The following IGSF22 variants were observed in gnomAD, a reference collection of about 807,000 sequenced individuals.
IGSF22 encodes the protein immunoglobulin superfamily, member 22.
IGSF22 carries 119 observed loss-of-function variants against 127.0 expected under a neutral mutation model. The ratio of observed to expected loss-of-function variants is 0.94; its 90% CI spans 0.81 to 1.09. The LOEUF (loss-of-function observed/expected upper bound fraction) is 1.09, where lower values mean the gene tolerates loss of function less well. IGSF22 is among the 50% of genes least tolerant of loss of function. The pLI is 0.00. For synonymous variants in IGSF22, 568 were observed against 664.7 expected (o/e 0.85, Z 2.24); for missense variants, 1,518 against 1,716.6 (o/e 0.88, Z 2.04).
Position 18,707,884 on chromosome 11 carries a change from C to T in IGSF22, c.3200G>A (p.Arg1067His), listed in dbSNP as rs148259264. 1,030 of 1,614,154 alleles carry T rather than the reference C, an allele frequency of 6.4e-4. 9 individuals are homozygous for T. The African/African-American group carries it at 0.011, about 17-fold the overall frequency. ...HSQFLINSTK[R>H]SDSGVYRILL... ...GATTCGGTACACCCCTGAGTCAGAG[C>T]GCTTGGTGCTATTAATGAGGAACTG... Residue 1067 changes from arginine to histidine, a missense_variant, in exon 20 of 23, where the codon CGC becomes CAC. By Grantham distance (29) the Arg-to-His change is conservative. This residue lies in a region of IGSF22 where 1,456 missense variants were observed against 1,644.9 expected (regional missense o/e 0.89). Transcript: ENST00000513874.
In IGSF22 at chr11:18,716,700, C is replaced by T. The variant is rs755163895; in HGVS notation, c.1246+28G>A. On this transcript the variant is annotated intron_variant, in intron 10 of 22. Transcript: ENST00000513874. This position sits in a 1 kb window ranked among gnomAD's most constrained non-coding sequence, Gnocchi z 4.5. ...GGAGGTTGCTGTGCCATAAAGCCCA[C>T]CCCTTAGGCTCTTGCCCAACCACTC... The T allele has an allele frequency of 4.5e-5, 73 of 1,607,310 alleles. No homozygotes were observed. The Middle Eastern group carries it at 5.1e-4, about 11-fold the overall frequency.
chr11:18,719,453 C>A (rs1056963572), intron 7 of IGSF22, among the ~76,000 whole-genome samples: 4 of 152,192 alleles, frequency 2.6e-5, no homozygotes, highest in Non-Finnish European at 5.9e-5. Flanking sequence ...AGGCGTGAGC[C>A]ACTGCACCCA....
In IGSF22 at chr11:18,705,667, G is replaced by T. The variant is rs561137716; in HGVS notation, c.3910+150C>A. The T allele has an allele frequency of 6.0e-6, 4 of 667,212 alleles. No homozygotes were observed. The African/African-American group carries it at 7.2e-5, about 12-fold the overall frequency. 41.3% of individuals were successfully genotyped at this position (667,212 alleles called of 1,614,324 possible). ...ATGACATCGAAAGGATGGGAGAGTG[G>T]TAAGAACTGTGGCCAATTAAGAATG... On this transcript the variant is annotated intron_variant, in intron 22 of 22. Coordinates refer to ENST00000513874, the MANE Select transcript of IGSF22 (RefSeq NM_173588.4).
In IGSF22 at chr11:18,707,868, C is replaced by T. The variant is rs1330608820; in HGVS notation, c.3216G>A (p.Val1072=). ...INSTKRSDSG[V]YRILLQNEFG... is the part of the protein sequence containing the mutation. ...ACTCATTCTGAAGCAAGATTCGGTACACCCCTGAGTCAGAGCGCTTGGTGC... is the reference window on the plus strand; with the variant it reads ...ACTCATTCTGAAGCAAGATTCGGTATACCCCTGAGTCAGAGCGCTTGGTGC... Residue 1072 remains valine, a synonymous_variant, in exon 20 of 23, where the codon GTG becomes GTA. Transcript: ENST00000513874. 1 of 1,613,938 alleles carries T rather than the reference C, an allele frequency of 6.2e-7. No individual in the cohort carries two copies. The highest frequency in any genetic ancestry group is 8.5e-7 in the Non-Finnish European group (1 of 1,179,988).
At chr11:18,706,517 GCTC>G (rs1240906547) in intron 21 of IGSF22, 2 of 364,624 alleles carry the variant, frequency 5.5e-6, no homozygotes, top group African/African-American at 4.1e-5. Flanking sequence ...TATCCCTTTA[GCTC>G]CTCAGTTCGA....
chr11:18,713,810 G>C (rs747679734), intron 14 of IGSF22, 42 bp downstream of exon 14: 32 of 1,485,146 alleles, frequency 2.2e-5, no homozygotes, highest in Non-Finnish European at 2.7e-5. Context: ...TGGGCAGCAG[G>C]TGCCCTCAGC....
chr11:18,709,752 C>A lies in IGSF22; in HGVS notation c.2702-69G>T. 1 of 1,468,608 alleles carries A rather than the reference C, an allele frequency of 6.8e-7. No homozygotes were observed. Among genetic ancestry groups the A allele is most frequent in the South Asian group, 1.3e-5 (1 of 76,608 alleles). The allele number at this position is 1,468,608 out of a possible 1,614,324, so 91.0% of individuals were successfully genotyped here. ...CACTCAATGCCTTGCTCACTTCCCA[C>A]ACTCAATACTCCTGAACCCCATCCT... is the stretch of plus-strand genomic sequence containing the variant. On this transcript the variant is annotated intron_variant, in intron 17 of 22. Coordinates refer to ENST00000513874, the MANE Select transcript of IGSF22 (RefSeq NM_173588.4). The surrounding 1 kb of genome is among the most constrained non-coding windows in gnomAD (Gnocchi z 4.8).
intron 4 of IGSF22, among the ~76,000 whole-genome samples, chr11:18,721,143 AC>A (rs1331040548): frequency 6.6e-6 from 1 of 151,976 alleles, no homozygotes; most frequent in Non-Finnish European, 1.5e-5. Flanking sequence ...CCCCTACTCT[AC>A]GGCGAGTCCC....
intron 22 of IGSF22, 31 bp downstream of exon 22, chr11:18,705,783 CCCT>C: frequency 6.6e-7 from 1 of 1,505,212 alleles, no homozygotes; most frequent in Non-Finnish European, 8.9e-7. Flanking sequence ...GCGCCTCTCC[CCCT>C]CCTCGAGGCC....
Position 18,713,842 on chromosome 11 carries a change from C to G in IGSF22, c.2095+10G>C. 1.2e-6 allele frequency: 2 copies of G among 1,604,360 alleles called. No individual in the cohort carries two copies. Among genetic ancestry groups the G allele is most frequent in the Non-Finnish European group, 1.7e-6 (2 of 1,175,112 alleles). On this transcript the variant is annotated intron_variant, in intron 14 of 22. Transcript: ENST00000513874. Reference sequence around the variant, plus strand: ...CAGCTCAGCCCAGCCCGGACTGGCCCTGCCCTGACCCAGCACACTAAGGTG... The same window carrying G: ...CAGCTCAGCCCAGCCCGGACTGGCCGTGCCCTGACCCAGCACACTAAGGTG...
At chr11:18,713,735 C>T in intron 14 of IGSF22, 117 bp downstream of exon 14, 1 of 847,434 alleles carries the variant, frequency 1.2e-6, no homozygotes, top group Non-Finnish European at 1.8e-6. Flanking sequence ...CTTCTAGGCC[C>T]ATTCCCAGCC....
intron 22 of IGSF22, chr11:18,704,759 G>A (rs971858847): frequency 3.7e-5 from 19 of 516,446 alleles, no homozygotes; most frequent in African/African-American, 3.3e-4. Flanking sequence ...AAGCCTCATA[G>A]TCCTATAAAG....
intron 4 of IGSF22, 133 bp from the exon 5 acceptor site, chr11:18,720,418 T>C (rs1375514247): frequency 1.6e-6 from 1 of 640,464 alleles, no homozygotes; most frequent in East Asian, 2.7e-5. Context: ...GTGTGGAGGA[T>C]TGAGCAGCCT....
chr11:18,705,315 C>T (rs942321917), intron 22 of IGSF22: 3 of 157,104 alleles, frequency 1.9e-5, no homozygotes, highest in African/African-American at 7.2e-5. Context: ...ATGCTTCCCC[C>T]TATGTGTGCA....
chr11:18,705,727 G>C (rs1374430482), intron 22 of IGSF22, 90 bp downstream of exon 22: 8 of 1,159,272 alleles, frequency 6.9e-6, no homozygotes, highest in Non-Finnish European at 8.3e-6. Flanking sequence ...ATTAAAAAAC[G>C]GTGCCAGCCA....
rs1276165439 is a variant in IGSF22 at position 18,725,255 on chromosome 11, G to A, written c.-34+819C>T. ...CCATTCTCCTGCCTCAGCCTCCCCA[G>A]CAGCTGGGTTTACAGGCACGTGCCA... On this transcript the variant is annotated intron_variant, in intron 1 of 22. Transcript: ENST00000513874. Among the ~76,000 whole-genome samples, 3 of 151,926 alleles carry A rather than the reference G, an allele frequency of 2.0e-5. No homozygotes were observed. In the East Asian group the frequency reaches 5.8e-4, roughly 29 times the overall value.
chr11:18,724,465 A>T (rs1180031116), intron 1 of IGSF22, among the ~76,000 whole-genome samples, 196 bp from the exon 2 acceptor site: 1 of 152,144 alleles, frequency 6.6e-6, no homozygotes, highest in African/African-American at 2.4e-5. Context: ...CTGTCCTCTC[A>T]CTGAGTAACT....
At position 18,706,910 on chromosome 11, in the gene IGSF22, T is replaced by G; in HGVS notation, c.3580+4A>C. The G allele has an allele frequency of 6.7e-7, 1 of 1,486,818 alleles. No individual in the cohort carries two copies. The highest frequency in any genetic ancestry group is 9.0e-7 in the Non-Finnish European group (1 of 1,111,540). 92.1% of individuals were successfully genotyped at this position (1,486,818 alleles called of 1,614,324 possible). A position where few individuals can be genotyped will look rare whatever the true frequency, so the allele number is the denominator to read the frequency against. ...TTAACCCTAACTGCAAGTCCCAGAC[T>G]CACTCTGGTCCTTATTGATGAGCCA... On this transcript the variant is annotated splice_donor_region_variant and intron_variant, in intron 21 of 22. Coordinates refer to ENST00000513874, the MANE Select transcript of IGSF22 (RefSeq NM_173588.4).
At position 18,704,979 on chromosome 11, in the gene IGSF22, T is replaced by A. The variant is rs146162324; in HGVS notation, c.3911-441A>T. ...CAGCTCAGCAGCCTCTCTGGAGATA[T>A]TGTCTCAGTGCCAGACACTTAGCTA... is the stretch of plus-strand genomic sequence containing the variant. On this transcript the variant is annotated intron_variant, in intron 22 of 22. Transcript: ENST00000513874. 2.6e-5 allele frequency among the ~76,000 whole-genome samples: 4 copies of A among 152,178 alleles called. No homozygotes were observed. In the East Asian group the frequency reaches 7.7e-4, roughly 29 times the overall value.
Sources: gnomAD v4.1 joint callset for allele counts (sites outside exome capture counted in the v4.1 genomes callset) on GRCh38, gnomAD v4.1.1 for gene constraint, gnomAD v4.1.1 regional missense constraint, Gnocchi (gnomAD v3.1) non-coding constraint, MANE v1.5 for transcripts, NCBI Gene and HGNC (gene_info 2026-07-23, HGNC 2026-07-21) for gene names.